Variants in SAMD8 observed in about 807,000 individuals in gnomAD.
The protein encoded by SAMD8 is sterile alpha motif domain containing 8.
SAMD8 carries 20 observed loss-of-function variants against 42.0 expected under a neutral mutation model. That is an observed-to-expected ratio of 0.48 (90% CI 0.34 to 0.69). The LOEUF (loss-of-function observed/expected upper bound fraction) is 0.69. SAMD8 is among the 30% of genes least tolerant of loss of function. SAMD8 has a pLI of 0.01. For missense variants in SAMD8, 328 were observed against 511.6 expected, an observed-to-expected ratio of 0.64 and a Z score of 3.46; for synonymous variants, 162 against 173.0, an observed-to-expected ratio of 0.94 and a Z score of 0.50.
chr10:75,123,783 AG>A (rs1849061397), intron 1 of SAMD8, among the ~76,000 whole-genome samples: 1 of 151,554 alleles, frequency 6.6e-6, no homozygotes, highest in Non-Finnish European at 1.5e-5. Context: ...CTCTGCCTCC[AG>A]GGCTCAAGCG....
intron 1 of SAMD8, among the ~76,000 whole-genome samples, chr10:75,122,377 C>A (rs745790932): frequency 6.6e-6 from 1 of 150,896 alleles, no homozygotes; most frequent in Non-Finnish European, 1.5e-5. Flanking sequence ...TTTGGGAGGC[C>A]GAGGCAGGCA....
rs1841054739 is a variant in SAMD8 at position 75,180,127 on chromosome 10, T to C, written c.*3435T>C. 6.6e-6 allele frequency: 1 copy of C among 152,036 alleles called. No individual in the cohort carries two copies. Among genetic ancestry groups the C allele is most frequent in the African/African-American group, 2.4e-5 (1 of 41,382 alleles). 9.4% of individuals were successfully genotyped at this position (152,036 alleles called of 1,614,324 possible). On this transcript the variant is annotated 3_prime_UTR_variant, in exon 6 of 6. Coordinates refer to ENST00000542569, the MANE Select transcript of SAMD8 (RefSeq NM_001174156.2). ...AGGCAGGTTTGCTGTTATCACAAAA[T>C]AATTTGGGGGAAACCTTTCGTGGCT...
At chr10:75,099,688 G>T (rs1237104154) in exon 1 of SAMD8, 13 of 505,682 alleles carry the variant, frequency 2.6e-5, no homozygotes, top group Non-Finnish European at 3.8e-5. Flanking sequence ...AAGACCGTTG[G>T]TTCCATAAAC....
chr10:75,099,602 C>T, exon 1 of SAMD8: 1 of 1,199,830 alleles, frequency 8.3e-7, no homozygotes, highest in Non-Finnish European at 1.0e-6. Flanking sequence ...CGACTGAGGC[C>T]TTGTGGACTG....
At chr10:75,149,867 C>T (rs1399524015) in intron 1 of SAMD8, among the ~76,000 whole-genome samples, 1 of 149,094 alleles carries the variant, frequency 6.7e-6, no homozygotes, top group East Asian at 1.9e-4. Context: ...TGTAAAATGT[C>T]GTTCTGTAAA....
rs747466296 is a variant in SAMD8 at position 75,150,441 on chromosome 10, G to A, written c.-15-73G>A. ...CCTGGCCTGTTTCTGGTGTATTTAT[G>A]TGTGTTTGTCTTTGAAGAAATTGTT... is the stretch of plus-strand genomic sequence containing the variant. On this transcript the variant is annotated intron_variant, in intron 1 of 5. Coordinates refer to ENST00000542569, the MANE Select transcript of SAMD8 (RefSeq NM_001174156.2). 1.7e-5 allele frequency: 25 copies of A among 1,513,468 alleles called. No homozygotes were observed. The African/African-American group carries it at 2.9e-4, about 18-fold the overall frequency. 93.8% of individuals were successfully genotyped at this position (1,513,468 alleles called of 1,614,324 possible).
Position 75,176,270 on chromosome 10 carries a change from G to T in SAMD8, c.943+54G>T. 6.2e-7 allele frequency: 1 copy of T among 1,613,590 alleles called. No homozygotes were observed. The highest frequency in any genetic ancestry group is 1.1e-5 in the South Asian group (1 of 90,996). On this transcript the variant is annotated intron_variant, in intron 5 of 5. Coordinates refer to ENST00000542569, the MANE Select transcript of SAMD8 (RefSeq NM_001174156.2). The surrounding 1 kb of genome is among the most constrained non-coding windows in gnomAD (Gnocchi z 4.3). The stretch of plus-strand genomic sequence containing the variant: ...TATTAGGTAACTAGCTGCAGTGAAG[G>T]CTGTGGGAAGGGTGTCAGATCCTGT...
At position 75,176,502 on chromosome 10, in the gene SAMD8, T is replaced by C; in HGVS notation, c.1058T>C (p.Phe353Ser). The C allele has an allele frequency of 1.9e-6, 3 of 1,550,850 alleles. No homozygotes were observed. Among genetic ancestry groups the C allele is most frequent in the Non-Finnish European group, 1.7e-6 (2 of 1,147,032 alleles). ...EHYSIDVFIA[F>S]YITTRLFLYY... ...TATTCTATTGATGTGTTTATTGCTT[T>C]TTATATAACAACAAGACTCTTTTTG... Residue 353 changes from phenylalanine to serine, a missense_variant, in exon 6 of 6, where the codon TTT becomes TCT. By Grantham distance (155) the Phe-to-Ser change is radical. This residue lies in a region of SAMD8 where 178 missense variants were observed against 325.6 expected (regional missense o/e 0.55). Coordinates refer to ENST00000542569, the MANE Select transcript of SAMD8 (RefSeq NM_001174156.2). The surrounding 1 kb of genome is among the most constrained non-coding windows in gnomAD (Gnocchi z 4.3).
chr10:75,104,117 T>C, intron 1 of SAMD8: 1 of 1,325,318 alleles, frequency 7.5e-7, no homozygotes. Context: ...AGATGAGCTC[T>C]GTGTTACAGG....
At chr10:75,130,281 C>T (rs576739272) in intron 1 of SAMD8, among the ~76,000 whole-genome samples, 12 of 152,010 alleles carry the variant, frequency 7.9e-5, no homozygotes, top group African/African-American at 2.9e-4. Flanking sequence ...GCAGGCAGAT[C>T]ACCTGAGGTC....
chr10:75,142,219 A>AT (rs1250103193), intron 1 of SAMD8, among the ~76,000 whole-genome samples: 2 of 151,876 alleles, frequency 1.3e-5, no homozygotes, highest in Non-Finnish European at 2.9e-5. Context: ...AAGTGCTGGG[A>AT]TTACAGGCAT....
chr10:75,148,318 G>T (rs1346441080), intron 1 of SAMD8, among the ~76,000 whole-genome samples: 1 of 147,304 alleles, frequency 6.8e-6, no homozygotes, highest in East Asian at 2.0e-4. Flanking sequence ...GTTTATGTGG[G>T]TAGGGAAAGA....
chr10:75,100,507 T>G (rs1370513463), intron 1 of SAMD8, among the ~76,000 whole-genome samples: 1 of 152,138 alleles, frequency 6.6e-6, no homozygotes, highest in Non-Finnish European at 1.5e-5. Context: ...TTCTGACACC[T>G]GAGACTTGGT....
Position 75,115,071 on chromosome 10 carries a change from CT to C in SAMD8, c.-16+3351del, listed in dbSNP as rs1315776278. ...TTCCCAGATTAGATTAAATGTTTTA[CT>C]TATTTGCAGAGATGACAGGGGAGAG... is the stretch of plus-strand genomic sequence containing the variant. On this transcript the variant is annotated intron_variant, in intron 1 of 5. Transcript: ENST00000542569. Among the ~76,000 whole-genome samples the C allele has an allele frequency of 2.0e-5, 3 of 152,298 alleles. 1 individual carries two copies. The highest frequency in any genetic ancestry group is 7.2e-5 in the African/African-American group (3 of 41,576).
At chr10:75,170,232 A>G (rs1040497955) in intron 4 of SAMD8, among the ~76,000 whole-genome samples, 2 of 152,200 alleles carry the variant, frequency 1.3e-5, no homozygotes, top group African/African-American at 2.4e-5. Context: ...CTAGGCCTCT[A>G]TGCTTTAATT....
chr10:75,144,645 GAA>G, intron 1 of SAMD8, among the ~76,000 whole-genome samples: 1 of 151,648 alleles, frequency 6.6e-6, no homozygotes, highest in South Asian at 2.1e-4. Flanking sequence ...GTTTTATTTT[GAA>G]AAGTTTCTTT....
chr10:75,176,677 A>C lies in SAMD8; in HGVS notation c.1233A>C (p.Lys411Asn). The change falls in exon 6 of 6, where the codon AAA becomes AAC. Residue 411 changes from lysine (K) to asparagine (N), a missense_variant. Physicochemically the swap from Lys to Asn is moderately conservative, Grantham distance 94. Around this residue, in one of 2 missense-constraint regions of SAMD8, gnomAD observed 178 missense variants for 325.6 expected, o/e 0.55. Coordinates refer to ENST00000542569, the MANE Select transcript of SAMD8 (RefSeq NM_001174156.2). The surrounding 1 kb of genome is among the most constrained non-coding windows in gnomAD (Gnocchi z 4.3). ...CWPFSKPAIM[K>N]RLIG ...CATTTTCAAAACCAGCAATAATGAA[A>C]AGACTAATTGGATGAATACTATCTT... 2 of 1,534,530 alleles carry C rather than the reference A, an allele frequency of 1.3e-6. No individual in the cohort carries two copies. The highest frequency in any genetic ancestry group is 4.9e-5 in the East Asian group (2 of 40,844).
intron 1 of SAMD8, among the ~76,000 whole-genome samples, chr10:75,148,499 G>A (rs892302624): frequency 6.6e-6 from 1 of 151,878 alleles, no homozygotes; most frequent in African/African-American, 2.4e-5. Flanking sequence ...GACTACAGGC[G>A]CACGCTGCCA....
At chr10:75,140,044 C>G (rs1456218282) in intron 1 of SAMD8, among the ~76,000 whole-genome samples, 2 of 152,170 alleles carry the variant, frequency 1.3e-5, no homozygotes, top group African/African-American at 2.4e-5. Flanking sequence ...AATGAAAAGA[C>G]TGTGTTTTCT....
Sources: allele counts gnomAD v4.1 joint callset (sites outside exome capture counted in the v4.1 genomes callset), GRCh38; gene constraint gnomAD v4.1.1; regional missense constraint gnomAD v4.1.1; non-coding constraint Gnocchi (gnomAD v3.1); transcripts MANE v1.5; gene names NCBI Gene and HGNC (gene_info 2026-07-23, HGNC 2026-07-21).